The following IGFBP4 variants were observed in gnomAD, a reference collection of about 807,000 sequenced individuals.
IGFBP4 encodes insulin like growth factor binding protein 4.
IGFBP4 carries 9 observed loss-of-function variants against 25.8 expected under a neutral mutation model. That is an observed-to-expected ratio of 0.35 (90% CI 0.21 to 0.61). IGFBP4 has a LOEUF of 0.61. Among genes scored for constraint, IGFBP4 ranks in the 20% least tolerant of loss-of-function variants. The pLI is 0.77. For synonymous variants in IGFBP4, 153 were observed against 153.9 expected, an observed-to-expected ratio of 0.99 and a Z score of 0.05; for missense variants, 315 against 365.3, an observed-to-expected ratio of 0.86 and a Z score of 1.12.
At chr17:40,446,149 T>C (rs1228285333) in intron 1 of IGFBP4, among the ~76,000 whole-genome samples, 2 of 125,714 alleles carry the variant, frequency 1.6e-5, no homozygotes, top group African/African-American at 3.1e-5. Flanking sequence ...CTGAGCAATA[T>C]AGCCAGACCC....
At chr17:40,454,649 C>T (rs975402043) in intron 3 of IGFBP4, among the ~76,000 whole-genome samples, 3 of 152,212 alleles carry the variant, frequency 2.0e-5, no homozygotes, top group African/African-American at 7.2e-5. Context: ...AGAGAAGACA[C>T]AAAGGCAGCA....
chr17:40,456,322 C>G (rs1371610884), intron 3 of IGFBP4, 127 bp from the exon 4 acceptor site: 2 of 881,132 alleles, frequency 2.3e-6, no homozygotes, highest in Non-Finnish European at 3.6e-6. Flanking sequence ...AGAGTCACCA[C>G]CCTCAGAGGC....
intron 1 of IGFBP4, among the ~76,000 whole-genome samples, chr17:40,447,864 C>A (rs115470823): frequency 4.6e-5 from 7 of 151,776 alleles, no homozygotes; most frequent in Non-Finnish European, 1.0e-4. Flanking sequence ...CTTAGGGAAG[C>A]GGTAGGACGA....
chr17:40,444,142 C>T lies in IGFBP4; in HGVS notation c.349+58C>T, dbSNP rs2035627340. On this transcript the variant is annotated intron_variant, in intron 1 of 3. Transcript: ENST00000269593. ...GAGTGCGCTCCCTTCCCAGCGGCTT[C>T]TTCCCCATTCCAGCCGCCCTGGAAG... 5 of 1,348,334 alleles carry T rather than the reference C, an allele frequency of 3.7e-6. No homozygotes were observed. The Admixed American group carries it at 8.1e-5, about 22-fold the overall frequency. The allele number at this position is 1,348,334 out of a possible 1,614,324, so 83.5% of individuals were successfully genotyped here.
intron 1 of IGFBP4, among the ~76,000 whole-genome samples, chr17:40,446,788 G>A (rs1271761211): frequency 2.6e-5 from 4 of 152,112 alleles, no homozygotes; most frequent in Non-Finnish European, 2.9e-5. Flanking sequence ...GGAGAGAGAC[G>A]AGGGAAGCCT....
Position 40,443,984 on chromosome 17 carries a change from C to T in IGFBP4, c.249C>T (p.Pro83=). Residue 83 remains proline (P), a synonymous_variant, in exon 1 of 4, where the codon CCC becomes CCT. Transcript: ENST00000269593. ...RCGSGLRCYP[P]RGVEKPLHTL... is the part of the protein sequence containing the mutation. ...GCTCGGGCCTGCGCTGCTACCCGCCCCGAGGGGTGGAGAAGCCCCTGCACA... is the reference window on the plus strand; with the variant it reads ...GCTCGGGCCTGCGCTGCTACCCGCCTCGAGGGGTGGAGAAGCCCCTGCACA... 1 of 1,531,540 alleles carries T rather than the reference C, an allele frequency of 6.5e-7. No homozygotes were observed. The highest frequency in any genetic ancestry group is 1.4e-5 in the African/African-American group (1 of 72,382). 94.9% of individuals were successfully genotyped at this position (1,531,540 alleles called of 1,614,324 possible).
chr17:40,452,951 G>C (rs1024571134), intron 1 of IGFBP4, 34 bp from the exon 2 acceptor site: 2 of 1,448,800 alleles, frequency 1.4e-6, no homozygotes, highest in Non-Finnish European at 1.8e-6. Context: ...ACCTCTTCCG[G>C]TGCTGACCTC....
chr17:40,454,271 C>T (rs572298891), intron 3 of IGFBP4, among the ~76,000 whole-genome samples: 6 of 152,190 alleles, frequency 3.9e-5, no homozygotes, highest in East Asian at 1.9e-4. Context: ...GGAGTAAAAG[C>T]GCCGGGCTAG....
intron 1 of IGFBP4, among the ~76,000 whole-genome samples, chr17:40,449,442 CCT>C (rs2035669310): frequency 6.6e-6 from 1 of 151,878 alleles, no homozygotes; most frequent in Non-Finnish European, 1.5e-5. Context: ...ACAGTGACAC[CCT>C]GTCTCTTAAA....
At chr17:40,455,409 A>G (rs146879316) in intron 3 of IGFBP4, among the ~76,000 whole-genome samples, 2,046 of 151,756 alleles carry the variant, frequency 0.013, 19 homozygotes, top group Non-Finnish European at 0.021. Context: ...CAACCTCCAC[A>G]TCCTGGGCTC....
At chr17:40,449,369 A>T (rs1264539409) in intron 1 of IGFBP4, among the ~76,000 whole-genome samples, 1 of 152,070 alleles carries the variant, frequency 6.6e-6, no homozygotes, top group Non-Finnish European at 1.5e-5. Context: ...TAATCCTAGC[A>T]CTTTGGGAAG....
In IGFBP4 at chr17:40,443,663, GCCGCTCGC is replaced by G. The variant is rs1567799048; in HGVS notation, c.-68_-61del. ...CAGGCGCTGCCGCCGTGTGCCCTCC[GCCGCTCGC>G]CCGCGCGCCCGCGCTCCCCGCCTGC... On this transcript the variant is annotated 5_prime_UTR_variant, in exon 1 of 4. Coordinates refer to ENST00000269593, the MANE Select transcript of IGFBP4 (RefSeq NM_001552.3). The G allele has an allele frequency of 8.5e-6, 7 of 825,988 alleles. No individual in the cohort carries two copies. The African/African-American group carries it at 1.3e-4, about 15-fold the overall frequency. 51.2% of individuals were successfully genotyped at this position (825,988 alleles called of 1,614,324 possible).
chr17:40,450,769 C>T (rs1204766572), intron 1 of IGFBP4, among the ~76,000 whole-genome samples: 4 of 151,992 alleles, frequency 2.6e-5, no homozygotes, highest in African/African-American at 9.7e-5. Flanking sequence ...AAGTGATCCT[C>T]CCACCTCGGC....
chr17:40,453,016 C>T lies in IGFBP4; in HGVS notation c.381C>T (p.Ser127=). ...DKDEGDHPNN[S]FSPCSAHDRR... ...ACGAGGGTGACCACCCCAACAACAGCTTCAGCCCCTGTAGCGCCCATGACC... is the reference window on the plus strand; with the variant it reads ...ACGAGGGTGACCACCCCAACAACAGTTTCAGCCCCTGTAGCGCCCATGACC... The change falls in exon 2 of 4, where the codon AGC becomes AGT. Residue 127 remains serine, a synonymous_variant. Coordinates refer to ENST00000269593, the MANE Select transcript of IGFBP4 (RefSeq NM_001552.3). The surrounding 1 kb of genome is among the most constrained non-coding windows in gnomAD (Gnocchi z 4.0). 6.3e-7 allele frequency: 1 copy of T among 1,577,288 alleles called. No individual in the cohort carries two copies. The highest frequency in any genetic ancestry group is 1.4e-5 in the African/African-American group (1 of 73,434).
intron 1 of IGFBP4, among the ~76,000 whole-genome samples, chr17:40,445,687 A>T (rs2035640524): frequency 6.6e-6 from 1 of 152,124 alleles, no homozygotes; most frequent in African/African-American, 2.4e-5. Flanking sequence ...GAAAGTCGCT[A>T]ATCTTGGGGC....
rs1383272293 is a variant in IGFBP4, at chr17:40,457,511, G to C, written c.*928G>C. The stretch of plus-strand genomic sequence containing the variant: ...GTGGTCACAGCCATGAAGTCACCGG[G>C]ATGAACCTATCCTTCCAGTGGCTCG... On this transcript the variant is annotated 3_prime_UTR_variant, in exon 4 of 4. Transcript: ENST00000269593. The C allele has an allele frequency of 6.6e-6, 1 of 151,974 alleles. No individual in the cohort carries two copies. The highest frequency in any genetic ancestry group is 1.5e-5 in the Non-Finnish European group (1 of 68,048). The allele number at this position is 151,974 out of a possible 1,614,324, so 9.4% of individuals were successfully genotyped here.
chr17:40,452,451 A>G (rs1228073609), intron 1 of IGFBP4, among the ~76,000 whole-genome samples: 1 of 152,096 alleles, frequency 6.6e-6, no homozygotes, highest in Non-Finnish European at 1.5e-5. Flanking sequence ...CAATGGGGAG[A>G]GCCTTTTGGG....
At chr17:40,445,187 C>G (rs796177167) in intron 1 of IGFBP4, among the ~76,000 whole-genome samples, 6 of 152,298 alleles carry the variant, frequency 3.9e-5, no homozygotes, top group African/African-American at 1.4e-4. Context: ...GTTTCTTTCT[C>G]CACCTTATTC....
intron 3 of IGFBP4, 35 bp from the exon 4 acceptor site, chr17:40,456,414 G>A (rs369713139): frequency 2.5e-5 from 41 of 1,613,008 alleles, no homozygotes; most frequent in African/African-American, 9.4e-5. Flanking sequence ...CTTTTCCTGC[G>A]TCGGAACTGA....
Sources: allele counts gnomAD v4.1 joint callset (sites outside exome capture counted in the v4.1 genomes callset), GRCh38; gene constraint gnomAD v4.1.1; non-coding constraint Gnocchi (gnomAD v3.1); transcripts MANE v1.5; gene names NCBI Gene and HGNC (gene_info 2026-07-23, HGNC 2026-07-21).